The following PRPF31 variants were observed in gnomAD, a reference collection of about 807,000 sequenced individuals.
The protein encoded by PRPF31 is pre-mRNA processing factor 31.
In PRPF31, 12 loss-of-function variants were observed where a neutral mutation model predicts 60.4. The observed-to-expected ratio is 0.20, with a 90% CI of 0.13 to 0.32. The LOEUF (loss-of-function observed/expected upper bound fraction) is 0.32. Ranked by LOEUF, PRPF31 falls within the 10% of genes least tolerant of loss-of-function variation. The pLI, the probability that PRPF31 is intolerant of heterozygous loss-of-function variation, is 1.00. For missense variants in PRPF31, 431 were observed against 687.1 expected (o/e 0.63, Z 4.17); for synonymous variants, 287 against 287.9 (o/e 1.00, Z 0.03).
intron 3 of PRPF31, among the ~76,000 whole-genome samples, chr19:54,121,197 G>A (rs1414865552): frequency 1.3e-5 from 2 of 151,968 alleles, no homozygotes; most frequent in Non-Finnish European, 2.9e-5. Flanking sequence ...CAGCTACTCA[G>A]GAGGCTGAGG....
chr19:54,124,376 G>A, intron 7 of PRPF31, 123 bp from the exon 8 acceptor site: 1 of 964,094 alleles, frequency 1.0e-6, no homozygotes, highest in South Asian at 1.4e-5. Flanking sequence ...GGCCATCGAG[G>A]AATCCAACCA....
In PRPF31 at chr19:54,122,288, T is replaced by C. The variant is rs1170013602; in HGVS notation, c.323-209T>C. 1.0e-5 allele frequency: 7 copies of C among 683,956 alleles called. No individual in the cohort carries two copies. The African/African-American group carries it at 1.2e-4, about 12-fold the overall frequency. The allele number at this position is 683,956 out of a possible 1,614,324, so 42.4% of individuals were successfully genotyped here. On this transcript the variant is annotated intron_variant, in intron 4 of 13. Coordinates refer to ENST00000321030, the MANE Select transcript of PRPF31 (RefSeq NM_015629.4). Reference sequence around the variant, plus strand: ...CTTCTTTTCTTTAAGAACATGTCACTGCAGCTCACGTTTTACAGACCAGAA... The same window carrying C: ...CTTCTTTTCTTTAAGAACATGTCACCGCAGCTCACGTTTTACAGACCAGAA...
At position 54,121,843 on chromosome 19, in the gene PRPF31, C is replaced by A; in HGVS notation, c.239-17C>A. 1 of 1,601,814 alleles carries A rather than the reference C, an allele frequency of 6.2e-7. No individual in the cohort carries two copies. Among genetic ancestry groups the A allele is most frequent in the African/African-American group, 1.3e-5 (1 of 74,838 alleles). On this transcript the variant is annotated splice_polypyrimidine_tract_variant and intron_variant, in intron 3 of 13. Transcript: ENST00000321030. ...AGGGATTTAGATACTCACACCCATG[C>A]CTCCGTGTCCTCACAGTGATGGGAC...
At chr19:54,121,010 G>A (rs2073771855) in intron 3 of PRPF31, among the ~76,000 whole-genome samples, 1 of 152,272 alleles carries the variant, frequency 6.6e-6, no homozygotes, top group Middle Eastern at 3.4e-3. Context: ...GGCCAGGAGG[G>A]GTCTGGCGCG....
At chr19:54,130,656 G>A (rs2074029926) in intron 13 of PRPF31, among the ~76,000 whole-genome samples, 1 of 152,074 alleles carries the variant, frequency 6.6e-6, no homozygotes, top group African/African-American at 2.4e-5. Flanking sequence ...GAAATGCCAG[G>A]GAGGGGAGGA....
Position 54,117,718 on chromosome 19 carries a change from G to T in PRPF31, c.-8-553G>T, listed in dbSNP as rs1343441735. On this transcript the variant is annotated intron_variant, in intron 1 of 13. Transcript: ENST00000321030. ...AAAAAAAAATTAGCTGGGCATGGTG[G>T]CAGGTGCCTGTAGTCCCAGCTACTC... is the stretch of plus-strand genomic sequence containing the variant. Among the ~76,000 whole-genome samples, 5 of 151,974 alleles carry T rather than the reference G, an allele frequency of 3.3e-5. No individual in the cohort carries two copies. The South Asian group carries it at 1.0e-3, about 32-fold the overall frequency.
intron 9 of PRPF31, among the ~76,000 whole-genome samples, chr19:54,127,013 A>G (rs1180356962): frequency 6.6e-6 from 1 of 152,128 alleles, no homozygotes; most frequent in Non-Finnish European, 1.5e-5. Context: ...CCAGTTACTC[A>G]GGAGGCTGAG....
At chr19:54,120,618 G>C (rs1399645967) in intron 3 of PRPF31, among the ~76,000 whole-genome samples, 1 of 152,118 alleles carries the variant, frequency 6.6e-6, no homozygotes, top group Non-Finnish European at 1.5e-5. Context: ...CTTTTTGTTT[G>C]TTTGTTTTTT....
chr19:54,124,117 TCCCTC>T (rs1392418135), intron 7 of PRPF31, 199 bp downstream of exon 7: 9 of 1,158,116 alleles, frequency 7.8e-6, no homozygotes. Flanking sequence ...CAGCTCCTTC[TCCCTC>T]CCCTGTGCCG....
intron 5 of PRPF31, chr19:54,123,051 G>A: frequency 2.2e-6 from 1 of 450,634 alleles, no homozygotes; most frequent in South Asian, 2.2e-5. Flanking sequence ...GGAAAAGAGG[G>A]GCAGGTGTGC....
intron 1 of PRPF31, among the ~76,000 whole-genome samples, chr19:54,116,295 C>T (rs1425665061): frequency 6.6e-6 from 1 of 152,020 alleles, no homozygotes; most frequent in African/African-American, 2.4e-5. Context: ...ACCTCCGCCT[C>T]CCGGATTCAA....
At chr19:54,122,108 G>A (rs1382697827) in intron 4 of PRPF31, 165 bp downstream of exon 4, 13 of 778,378 alleles carry the variant, frequency 1.7e-5, no homozygotes, top group African/African-American at 3.4e-5. Context: ...GCGTTCTCTC[G>A]CGTATGAGTC....
intron 1 of PRPF31, among the ~76,000 whole-genome samples, chr19:54,116,920 C>A (rs587704084): frequency 2.0e-4 from 30 of 152,176 alleles, no homozygotes; most frequent in African/African-American, 6.7e-4. Flanking sequence ...CACAGTGAGA[C>A]CCTGTCTCTA....
intron 13 of PRPF31, 144 bp downstream of exon 13, chr19:54,129,514 A>G: frequency 9.4e-7 from 1 of 1,060,962 alleles, no homozygotes; most frequent in South Asian, 1.5e-5. Flanking sequence ...GAGGACGTAG[A>G]CAGCTCCTGG....
Position 54,131,449 on chromosome 19 carries a change from A to G in PRPF31, c.*17A>G, listed in dbSNP as rs373367788. 6 of 1,613,794 alleles carry G rather than the reference A, an allele frequency of 3.7e-6. No individual in the cohort carries two copies. In the African/African-American group the frequency reaches 6.7e-5, roughly 18 times the overall value. On this transcript the variant is annotated 3_prime_UTR_variant, in exon 14 of 14. Coordinates refer to ENST00000321030, the MANE Select transcript of PRPF31 (RefSeq NM_015629.4). ...TCCACCTGAATGACTGCGTGTGTCC[A>G]AGGTGGCTTCCCACTGAAGGGACAC...
intron 1 of PRPF31, 65 bp from the exon 2 acceptor site, chr19:54,118,206 C>G (rs1352622612): frequency 5.9e-5 from 95 of 1,609,654 alleles, no homozygotes; most frequent in Non-Finnish European, 7.8e-5. Context: ...GGAGAATCAT[C>G]GCTCAGTAAT....
intron 13 of PRPF31, among the ~76,000 whole-genome samples, chr19:54,130,239 C>T (rs1031526761): frequency 7.6e-6 from 1 of 131,802 alleles, no homozygotes; most frequent in African/African-American, 2.8e-5. Context: ...CCAGGCTGGG[C>T]GCAGACAGCT....
chr19:54,123,638 A>G (rs2073846676), intron 6 of PRPF31, 78 bp downstream of exon 6: 1 of 1,597,168 alleles, frequency 6.3e-7, no homozygotes, highest in Non-Finnish European at 8.6e-7. Context: ...AGGTGTACAC[A>G]CGCACACACA....
intron 12 of PRPF31, 32 bp downstream of exon 12, chr19:54,129,217 C>T (rs367687300): frequency 1.9e-5 from 31 of 1,597,426 alleles, no homozygotes; most frequent in African/African-American, 9.4e-5. Context: ...GGCTGGGGAC[C>T]GAGGGACACA....
Sources: gnomAD v4.1 joint callset for allele counts (sites outside exome capture counted in the v4.1 genomes callset) on GRCh38, gnomAD v4.1.1 for gene constraint, MANE v1.5 for transcripts, NCBI Gene and HGNC (gene_info 2026-07-23, HGNC 2026-07-21) for gene names.